The following PAK2 variants were observed in gnomAD, a reference collection of about 807,000 sequenced individuals.
PAK2 encodes the protein p21 (RAC1) activated kinase 2.
PAK2 carries 21 observed loss-of-function variants against 65.9 expected under a neutral mutation model. The ratio of observed to expected loss-of-function variants is 0.32; its 90% CI spans 0.23 to 0.46. The LOEUF (loss-of-function observed/expected upper bound fraction) is 0.46, where lower values mean the gene tolerates loss of function less well. Ranked by LOEUF, PAK2 falls within the 20% of genes least tolerant of loss-of-function variation. PAK2 has a pLI of 1.00. For synonymous variants in PAK2, 204 were observed against 219.7 expected, an observed-to-expected ratio of 0.93 and a Z score of 0.63; for missense variants, 324 against 642.6, an observed-to-expected ratio of 0.50 and a Z score of 5.36.
At chr3:196,789,150 G>C (rs952307469) in intron 2 of PAK2, among the ~76,000 whole-genome samples, 2 of 152,198 alleles carry the variant, frequency 1.3e-5, no homozygotes, top group Admixed American at 6.5e-5. Context: ...TGTAGCCCAA[G>C]TGAGAAATGG....
chr3:196,790,502 C>T (rs537520920), intron 2 of PAK2, among the ~76,000 whole-genome samples: 27 of 152,198 alleles, frequency 1.8e-4, no homozygotes, highest in Non-Finnish European at 3.2e-4. Flanking sequence ...GTGAACCTCC[C>T]GTAGATGGTT....
intron 1 of PAK2, among the ~76,000 whole-genome samples, chr3:196,762,324 A>G (rs1325356623): frequency 7.4e-6 from 1 of 135,712 alleles, no homozygotes; most frequent in African/African-American, 2.7e-5. Flanking sequence ...CAATCTCGGC[A>G]CTTTGGGAGG....
intron 2 of PAK2, among the ~76,000 whole-genome samples, chr3:196,788,961 A>G (rs1165932492): frequency 6.6e-6 from 1 of 152,206 alleles, no homozygotes; most frequent in Non-Finnish European, 1.5e-5. Context: ...AGGGCCTTGT[A>G]TTCTATGCTA....
intron 1 of PAK2, among the ~76,000 whole-genome samples, chr3:196,765,402 G>A (rs1220132818): frequency 1.3e-5 from 2 of 151,972 alleles, no homozygotes; most frequent in Non-Finnish European, 2.9e-5. Flanking sequence ...CCCCACCTCC[G>A]CCTCCTGAGT....
At chr3:196,815,135 A>C (rs374899440) in intron 11 of PAK2, among the ~76,000 whole-genome samples, 2 of 151,418 alleles carry the variant, frequency 1.3e-5, no homozygotes, top group Admixed American at 6.6e-5. Flanking sequence ...AGCCGAGATC[A>C]CACCACTGCA....
chr3:196,753,039 G>A (rs1713660176), intron 1 of PAK2, among the ~76,000 whole-genome samples: 1 of 150,422 alleles, frequency 6.6e-6, no homozygotes, highest in South Asian at 2.1e-4. Flanking sequence ...GGAGTGCAGT[G>A]GTGCCGATGG....
intron 1 of PAK2, among the ~76,000 whole-genome samples, chr3:196,781,190 A>G (rs1560102017): frequency 6.6e-6 from 1 of 152,234 alleles, no homozygotes; most frequent in South Asian, 2.1e-4. Context: ...TTCATTGTAT[A>G]TATGCAAGGT....
Position 196,830,652 on chromosome 3 carries a change from A to G in PAK2, c.*2247A>G, listed in dbSNP as rs1428229398. On this transcript the variant is annotated 3_prime_UTR_variant, in exon 15 of 15. Transcript: ENST00000327134. Reference sequence around the variant, plus strand: ...TTCTTCGATAGTTACCTGCACGTCCATTGCTGGCAACTGACTTGTCATTAA... The same window carrying G: ...TTCTTCGATAGTTACCTGCACGTCCGTTGCTGGCAACTGACTTGTCATTAA... 6.6e-6 allele frequency: 1 copy of G among 152,170 alleles called. No homozygotes were observed. Among genetic ancestry groups the G allele is most frequent in the Non-Finnish European group, 1.5e-5 (1 of 68,040 alleles). The allele number at this position is 152,170 out of a possible 1,614,324, so 9.4% of individuals were successfully genotyped here. A position where few individuals can be genotyped will look rare whatever the true frequency, so the allele number is the denominator to read the frequency against.
At chr3:196,824,971 G>C (rs1711785254) in intron 13 of PAK2, among the ~76,000 whole-genome samples, 1 of 152,120 alleles carries the variant, frequency 6.6e-6, no homozygotes, top group African/African-American at 2.4e-5. Flanking sequence ...CTCCACATTG[G>C]GGAGGTTGCG....
At position 196,820,629 on chromosome 3, in the gene PAK2, T is replaced by C. The variant is rs1206616162; in HGVS notation, c.1350+62T>C. ...TTCTTTGAAACTCTTATTTAGAACT[T>C]GCACGTGCCTGGCACTGTCCAAGAA... On this transcript the variant is annotated intron_variant, in intron 13 of 14. Coordinates refer to ENST00000327134, the MANE Select transcript of PAK2 (RefSeq NM_002577.4). This position sits in a 1 kb window ranked among gnomAD's most constrained non-coding sequence, Gnocchi z 4.6. The C allele has an allele frequency of 1.7e-5, 15 of 905,920 alleles. No individual in the cohort carries two copies. The highest frequency in any genetic ancestry group is 1.2e-5 in the Non-Finnish European group (7 of 596,824). The allele number at this position is 905,920 out of a possible 1,614,324, so 56.1% of individuals were successfully genotyped here.
chr3:196,758,244 G>C (rs1713831443), intron 1 of PAK2, among the ~76,000 whole-genome samples: 1 of 152,264 alleles, frequency 6.6e-6, no homozygotes, highest in Non-Finnish European at 1.5e-5. Context: ...AATCCAGTGT[G>C]ATGAATGTTG....
intron 1 of PAK2, among the ~76,000 whole-genome samples, chr3:196,744,551 A>T (rs536577552): frequency 3.9e-5 from 6 of 152,322 alleles, no homozygotes; most frequent in African/African-American, 1.4e-4. Flanking sequence ...AAATTCTTAA[A>T]AAGTGAAAAT....
At chr3:196,781,127 C>T (rs959631490) in intron 1 of PAK2, among the ~76,000 whole-genome samples, 1 of 152,208 alleles carries the variant, frequency 6.6e-6, no homozygotes, top group South Asian at 2.1e-4. Flanking sequence ...CAGGTATAAG[C>T]ATTCAAATGA....
At chr3:196,767,194 C>G (rs1352524797) in intron 1 of PAK2, among the ~76,000 whole-genome samples, 1 of 152,066 alleles carries the variant, frequency 6.6e-6, no homozygotes, top group African/African-American at 2.4e-5. Context: ...GAGTTACTTC[C>G]AGTCTTTTGC....
intron 1 of PAK2, among the ~76,000 whole-genome samples, chr3:196,745,024 A>G (rs554439940): frequency 1.3e-5 from 2 of 151,734 alleles, no homozygotes; most frequent in Admixed American, 6.6e-5. Context: ...ATATTAATCT[A>G]TTGCCTTCTG....
chr3:196,798,913 T>G (rs144824013), intron 2 of PAK2, among the ~76,000 whole-genome samples: 183 of 152,280 alleles, frequency 1.2e-3, no homozygotes, highest in African/African-American at 4.3e-3. Context: ...AAGGACATCT[T>G]TTAAAAACCT....
At chr3:196,817,943 T>C (rs1711526054) in intron 11 of PAK2, 114 bp from the exon 12 acceptor site, 1 of 482,212 alleles carries the variant, frequency 2.1e-6, no homozygotes, top group South Asian at 4.3e-5. Flanking sequence ...AATAAAAGTA[T>C]TGGAGGGTCT....
At chr3:196,799,463 C>T (rs1248047831) in intron 2 of PAK2, among the ~76,000 whole-genome samples, 2 of 152,106 alleles carry the variant, frequency 1.3e-5, no homozygotes, top group African/African-American at 4.8e-5. Flanking sequence ...CGCGAGTGCT[C>T]ACGGATGGAC....
rs532253045 is a variant in PAK2 at position 196,793,639 on chromosome 3, C to A, written c.188-8288C>A. On this transcript the variant is annotated intron_variant, in intron 2 of 14. Coordinates refer to ENST00000327134, the MANE Select transcript of PAK2 (RefSeq NM_002577.4). ...ATAGACAGTGTAAGGAGAAAAAAAA[C>A]CCCAAACTGCAGCCTGTGCATACAC... 4.6e-5 allele frequency among the ~76,000 whole-genome samples: 7 copies of A among 152,014 alleles called. No homozygotes were observed. The East Asian group carries it at 9.7e-4, about 21-fold the overall frequency.
Sources: allele counts gnomAD v4.1 joint callset (sites outside exome capture counted in the v4.1 genomes callset), GRCh38; gene constraint gnomAD v4.1.1; non-coding constraint Gnocchi (gnomAD v3.1); transcripts MANE v1.5; gene names NCBI Gene and HGNC (gene_info 2026-07-23, HGNC 2026-07-21).